The following COL4A6 variants were observed in gnomAD, a reference collection of about 807,000 sequenced individuals.
COL4A6 encodes collagen alpha-6(IV) chain.
Under a neutral mutation model 126.7 loss-of-function variants are expected in COL4A6, and 59 were observed. The ratio of observed to expected loss-of-function variants is 0.47; its 90% CI spans 0.38 to 0.58. The LOEUF (loss-of-function observed/expected upper bound fraction) is 0.58. Ranked by LOEUF, COL4A6 falls within the 20% of genes least tolerant of loss-of-function variation. The probability of loss-of-function intolerance (pLI) is 0.00; values close to 1 mark genes in which losing one functional copy is unlikely to be tolerated. For missense variants in COL4A6, 1,285 were observed against 1,337.3 expected (o/e 0.96, Z 0.61); for synonymous variants, 547 against 496.6 (o/e 1.10, Z -1.35).
chrX:108,298,722 A>C (rs1228030785), intron 3 of COL4A6, among the ~76,000 whole-genome samples: 6 of 108,207 alleles, frequency 5.5e-5, no homozygotes, highest in Admixed American at 2.9e-4. Context: ...GGGTCATTGG[A>C]CTGTAAATGC....
At chrX:108,379,329 A>T (rs2040512801) in intron 2 of COL4A6, among the ~76,000 whole-genome samples, 1 of 110,190 alleles carries the variant, frequency 9.1e-6, no homozygotes, top group Non-Finnish European at 1.9e-5. Context: ...AGCTCACTGC[A>T]GCCGCAACCT....
At position 108,178,788 on chromosome X, in the gene COL4A6, G is replaced by A. The variant is rs2034581904; in HGVS notation, c.2411C>T (p.Thr804Ile). The change falls in exon 27 of 45, where the codon ACA (threonine) becomes ATA (isoleucine). Residue 804 changes from threonine to isoleucine, a missense_variant. Thr to Ile is a moderately conservative substitution (Grantham distance 89). Transcript: ENST00000334504. Reference sequence around the variant, plus strand: ...GCCTGGCTGTCCCACCTGTCCTGGTGTCCCAGGGCTGCCCCGCTCACCTTT... The same window carrying A: ...GCCTGGCTGTCCCACCTGTCCTGGTATCCCAGGGCTGCCCCGCTCACCTTT... ...GPKGERGSPG[T>I]PGQVGQPGTP... 5.0e-6 allele frequency: 6 copies of A among 1,209,813 alleles called. No individual in the cohort carries two copies. Among genetic ancestry groups the A allele is most frequent in the African/African-American group, 1.7e-5 (1 of 57,186 alleles).
chrX:108,343,151 A>AG (rs2039611405), intron 2 of COL4A6, among the ~76,000 whole-genome samples: 1 of 75,329 alleles, frequency 1.3e-5, no homozygotes, highest in Admixed American at 1.6e-4. Flanking sequence ...ATATATATAT[A>AG]TATATATATA....
chrX:108,361,563 G>A (rs1393606424), intron 2 of COL4A6, among the ~76,000 whole-genome samples: 1 of 111,876 alleles, frequency 8.9e-6, no homozygotes, highest in African/African-American at 3.3e-5. Context: ...AGTGCACTAA[G>A]TCATCCCTGG....
intron 3 of COL4A6, among the ~76,000 whole-genome samples, chrX:108,251,889 T>A (rs1332411119): frequency 9.0e-6 from 1 of 111,715 alleles, no homozygotes; most frequent in Non-Finnish European, 1.9e-5. Flanking sequence ...TGGGGTACAG[T>A]GTGATGTTTC....
chrX:108,352,878 T>C (rs1265665385), intron 2 of COL4A6, among the ~76,000 whole-genome samples: 2 of 112,170 alleles, frequency 1.8e-5, no homozygotes, highest in Middle Eastern at 4.6e-3. Flanking sequence ...ATTTTGCCTG[T>C]CATCTTATGA....
At chrX:108,407,266 C>T (rs1335184896) in intron 2 of COL4A6, among the ~76,000 whole-genome samples, 1 of 112,219 alleles carries the variant, frequency 8.9e-6, no homozygotes, top group Non-Finnish European at 1.9e-5. Flanking sequence ...TGCTTTCCTT[C>T]TTCAGAGGAT....
intron 2 of COL4A6, among the ~76,000 whole-genome samples, chrX:108,338,785 A>T (rs2039491827): frequency 8.9e-6 from 1 of 112,297 alleles, no homozygotes; most frequent in South Asian, 3.7e-4. Flanking sequence ...ATACCTTTGT[A>T]AACAAATGTA....
intron 2 of COL4A6, among the ~76,000 whole-genome samples, chrX:108,403,177 A>T (rs1471788131): frequency 9.4e-6 from 1 of 105,934 alleles, no homozygotes; most frequent in Non-Finnish European, 1.9e-5. Context: ...TGCTGTTAAG[A>T]TCTTTTTCTT....
intron 3 of COL4A6, among the ~76,000 whole-genome samples, chrX:108,251,988 T>C (rs1475310287): frequency 1.8e-5 from 2 of 111,406 alleles, no homozygotes; most frequent in East Asian, 5.7e-4. Flanking sequence ...GGTAAGAGCA[T>C]TCAAAATCCT....
intron 3 of COL4A6, among the ~76,000 whole-genome samples, chrX:108,309,391 G>T (rs1603060555): frequency 9.0e-6 from 1 of 110,772 alleles, no homozygotes; most frequent in South Asian, 3.9e-4. Context: ...GTGATCCCAG[G>T]AAGTAATTTT....
intron 23 of COL4A6, chrX:108,183,586 T>C (rs1473879995): frequency 1.5e-5 from 5 of 341,667 alleles, no homozygotes; most frequent in African/African-American, 1.4e-4. Context: ...ATCCCAGCCT[T>C]AGACTCCCCA....
chrX:108,339,261 T>C (rs1353878544), intron 2 of COL4A6, among the ~76,000 whole-genome samples: 1 of 112,586 alleles, frequency 8.9e-6, no homozygotes, highest in Non-Finnish European at 1.9e-5. Flanking sequence ...ACATTCCTGC[T>C]GGCTTTTAAG....
intron 2 of COL4A6, among the ~76,000 whole-genome samples, chrX:108,375,906 T>C (rs2040425068): frequency 9.0e-6 from 1 of 111,254 alleles, no homozygotes; most frequent in Non-Finnish European, 1.9e-5. Flanking sequence ...TCTTAAAATG[T>C]TGCCTACCCA....
At chrX:108,419,090 A>G (rs936552124) in intron 2 of COL4A6, among the ~76,000 whole-genome samples, 1 of 112,445 alleles carries the variant, frequency 8.9e-6, no homozygotes, top group Non-Finnish European at 1.9e-5. Flanking sequence ...CTTTATAGTA[A>G]ACTATATATG....
At chrX:108,283,092 ACATATGTAACTAACCTG>A (rs1201557566) in intron 3 of COL4A6, among the ~76,000 whole-genome samples, 1 of 107,265 alleles carries the variant, frequency 9.3e-6, no homozygotes, top group Admixed American at 1.0e-4. Flanking sequence ...GCACATGTAT[ACATATGTAACTAACCTG>A]CACATTGTGC....
intron 2 of COL4A6, among the ~76,000 whole-genome samples, chrX:108,344,995 A>G (rs113422957): frequency 1.2e-3 from 137 of 112,075 alleles, no homozygotes; most frequent in African/African-American, 4.0e-3. Context: ...TCCAGCATGG[A>G]TTAAGTGTCT....
At chrX:108,306,802 G>A (rs752826670) in intron 3 of COL4A6, among the ~76,000 whole-genome samples, 1 of 111,328 alleles carries the variant, frequency 9.0e-6, no homozygotes, top group African/African-American at 3.3e-5. Context: ...TACCTAGAGG[G>A]CAATCCAAGC....
intron 3 of COL4A6, among the ~76,000 whole-genome samples, chrX:108,241,623 T>G (rs1294471654): frequency 9.5e-6 from 1 of 105,578 alleles, no homozygotes; most frequent in Admixed American, 1.1e-4. Flanking sequence ...GTAGCATAGC[T>G]TGGTGAGGGG....
Sources: allele counts gnomAD v4.1 joint callset (sites outside exome capture counted in the v4.1 genomes callset), GRCh38; gene constraint gnomAD v4.1.1; transcripts MANE v1.5; gene names NCBI Gene and HGNC (gene_info 2026-07-23, HGNC 2026-07-21).